Variants in RAD51B observed in about 807,000 individuals in gnomAD.
RAD51B encodes the protein DNA repair protein RAD51 homolog 2.
Under a neutral mutation model 42.2 loss-of-function variants are expected in RAD51B, and 38 were observed. The ratio of observed to expected loss-of-function variants is 0.90; its 90% CI spans 0.70 to 1.18. The LOEUF is 1.18. Ranked by LOEUF, RAD51B falls within the 50% of genes most tolerant of loss-of-function variation. RAD51B has a pLI of 0.00. For synonymous variants in RAD51B, 154 were observed against 145.2 expected (o/e 1.06, Z -0.43); for missense variants, 373 against 400.7 (o/e 0.93, Z 0.59).
intron 7 of RAD51B, among the ~76,000 whole-genome samples, chr14:68,252,944 A>G (rs536805104): frequency 6.6e-6 from 1 of 152,232 alleles, no homozygotes; most frequent in Non-Finnish European, 1.5e-5. Flanking sequence ...TTAGCCAGGC[A>G]TGGTGGTGTG....
In RAD51B at chr14:68,376,052, C is replaced by T. The variant is rs895164869; in HGVS notation, c.854-35372C>T. Reference sequence around the variant, plus strand: ...AATAAGCCACCTGCTATTTATTTCACGCACACCCAAGGCAAAGCTGTTGGG... The same window carrying T: ...AATAAGCCACCTGCTATTTATTTCATGCACACCCAAGGCAAAGCTGTTGGG... On this transcript the variant is annotated intron_variant, in intron 8 of 10. Coordinates refer to ENST00000471583, the MANE Select transcript of RAD51B (RefSeq NM_133510.4). 1.1e-4 allele frequency among the ~76,000 whole-genome samples: 16 copies of T among 152,240 alleles called. No individual in the cohort carries two copies. In the South Asian group the frequency reaches 1.7e-3, roughly 16 times the overall value.
intron 10 of RAD51B, among the ~76,000 whole-genome samples, chr14:68,648,019 ATACG>A (rs1187275070): frequency 8.8e-5 from 8 of 91,328 alleles, no homozygotes; most frequent in Admixed American, 2.4e-4. Context: ...ATATATATAT[ATACG>A]TATATATATA....
At chr14:68,315,733 A>T in intron 8 of RAD51B, among the ~76,000 whole-genome samples, 1 of 152,158 alleles carries the variant, frequency 6.6e-6, no homozygotes, top group Non-Finnish European at 1.5e-5. Flanking sequence ...CATGTTAGCC[A>T]GGATAGTCTC....
At chr14:68,184,049 C>T (rs547463135) in intron 7 of RAD51B, among the ~76,000 whole-genome samples, 139 of 148,414 alleles carry the variant, frequency 9.4e-4, no homozygotes, top group Non-Finnish European at 1.7e-3. Context: ...GCGGAGATCA[C>T]GCCACTGCAC....
chr14:68,081,108 A>G lies in RAD51B; in HGVS notation c.756+193904A>G, dbSNP rs183258532. Among the ~76,000 whole-genome samples, 4 of 152,368 alleles carry G rather than the reference A, an allele frequency of 2.6e-5. No homozygotes were observed. The East Asian group carries it at 7.7e-4, about 29-fold the overall frequency. On this transcript the variant is annotated intron_variant, in intron 7 of 10. Transcript: ENST00000471583. ...TAGAAGATTTTGAAGTTAGGCGCTA[A>G]CAATTATAAGCATCTATCACTTTGA...
Position 68,496,549 on chromosome 14 carries a change from G to A in RAD51B, c.1036+28299G>A, listed in dbSNP as rs553711334. Among the ~76,000 whole-genome samples, 8 of 152,376 alleles carry A rather than the reference G, an allele frequency of 5.3e-5. No homozygotes were observed. The South Asian group carries it at 1.0e-3, about 20-fold the overall frequency. ...CCCATGGCCTGATACCTCTGTCTGAGCACTTGCCGTATGGCTGTGATGTTC... is the reference window on the plus strand; with the variant it reads ...CCCATGGCCTGATACCTCTGTCTGAACACTTGCCGTATGGCTGTGATGTTC... On this transcript the variant is annotated intron_variant, in intron 10 of 10. Transcript: ENST00000487270.
intron 10 of RAD51B, chr14:68,610,902 G>T: frequency 1.6e-6 from 1 of 612,122 alleles, no homozygotes; most frequent in Non-Finnish European, 3.0e-6. Context: ...CCCTAGTTGT[G>T]TAACCCTGCA....
intron 10 of RAD51B, among the ~76,000 whole-genome samples, chr14:68,554,481 C>G (rs189198314): frequency 1.6e-4 from 25 of 152,220 alleles, no homozygotes; most frequent in African/African-American, 5.8e-4. Context: ...CCCCACATGC[C>G]GACACAGCTG....
chr14:67,892,320 T>G (rs1181639107), intron 7 of RAD51B, among the ~76,000 whole-genome samples: 1 of 152,238 alleles, frequency 6.6e-6, no homozygotes, highest in Non-Finnish European at 1.5e-5. Context: ...TCTTTATGAC[T>G]TCTGAAACTT....
chr14:68,232,493 A>G (rs1414848525), intron 7 of RAD51B, among the ~76,000 whole-genome samples: 1 of 152,200 alleles, frequency 6.6e-6, no homozygotes, highest in African/African-American at 2.4e-5. Context: ...CATTGCATAC[A>G]CTTTTAATTT....
At chr14:68,523,744 T>G (rs971461802) in intron 10 of RAD51B, among the ~76,000 whole-genome samples, 1 of 152,206 alleles carries the variant, frequency 6.6e-6, no homozygotes, top group African/African-American at 2.4e-5. Flanking sequence ...AAAGTTGTCC[T>G]CCATACACAA....
At chr14:68,181,674 AG>A (rs2079063202) in intron 7 of RAD51B, among the ~76,000 whole-genome samples, 1 of 152,198 alleles carries the variant, frequency 6.6e-6, no homozygotes, top group African/African-American at 2.4e-5. Context: ...AATACTAGAA[AG>A]GAAGTTACGG....
At chr14:68,049,346 T>G (rs2076356168) in intron 7 of RAD51B, among the ~76,000 whole-genome samples, 1 of 152,112 alleles carries the variant, frequency 6.6e-6, no homozygotes, top group Non-Finnish European at 1.5e-5. Flanking sequence ...CCCTAGAACT[T>G]AAAGTATAAT....
chr14:68,184,627 A>AAG (rs1299815525), intron 7 of RAD51B, among the ~76,000 whole-genome samples: 1 of 148,042 alleles, frequency 6.8e-6, no homozygotes, highest in Non-Finnish European at 1.5e-5. Flanking sequence ...AAAAAAACCA[A>AAG]AAAAAAAAAC....
At chr14:67,911,240 C>G (rs972934967) in intron 7 of RAD51B, among the ~76,000 whole-genome samples, 2 of 152,134 alleles carry the variant, frequency 1.3e-5, no homozygotes, top group Non-Finnish European at 2.9e-5. Flanking sequence ...TTATTAAGTC[C>G]TTTGCATTGA....
At chr14:68,243,080 A>T (rs2080426180) in intron 7 of RAD51B, among the ~76,000 whole-genome samples, 1 of 152,158 alleles carries the variant, frequency 6.6e-6, no homozygotes, top group African/African-American at 2.4e-5. Flanking sequence ...ATCATATATT[A>T]TTTATTACTG....
intron 7 of RAD51B, among the ~76,000 whole-genome samples, chr14:67,893,057 C>T (rs771875608): frequency 6.6e-6 from 1 of 152,056 alleles, no homozygotes; most frequent in Non-Finnish European, 1.5e-5. Flanking sequence ...ATCATTGAGC[C>T]AGAAGGTAAT....
intron 7 of RAD51B, among the ~76,000 whole-genome samples, chr14:67,972,738 G>A (rs1349818830): frequency 6.6e-6 from 1 of 152,086 alleles, no homozygotes; most frequent in Non-Finnish European, 1.5e-5. Flanking sequence ...AATGAAGCCT[G>A]TTAATTATAT....
At chr14:68,148,703 C>T (rs1486805999) in intron 7 of RAD51B, among the ~76,000 whole-genome samples, 1 of 152,204 alleles carries the variant, frequency 6.6e-6, no homozygotes, top group Non-Finnish European at 1.5e-5. Flanking sequence ...AAGTCCCAGT[C>T]AGCCATGTGG....
Sources: allele counts gnomAD v4.1 joint callset (sites outside exome capture counted in the v4.1 genomes callset), GRCh38; gene constraint gnomAD v4.1.1; transcripts MANE v1.5; gene names NCBI Gene and HGNC (gene_info 2026-07-23, HGNC 2026-07-21).